ARHGAP20: variants seen among roughly 807,000 people sequenced by gnomAD.
ARHGAP20 encodes rho GTPase-activating protein 20.
In ARHGAP20, 34 loss-of-function variants were observed where a neutral mutation model predicts 73.7. The ratio of observed to expected loss-of-function variants is 0.46; its 90% CI spans 0.35 to 0.61. The LOEUF (loss-of-function observed/expected upper bound fraction) is 0.61, where lower values mean the gene tolerates loss of function less well. Ranked by LOEUF, ARHGAP20 falls within the 20% of genes least tolerant of loss-of-function variation. The pLI, the probability that ARHGAP20 is intolerant of heterozygous loss-of-function variation, is 0.00. For synonymous variants in ARHGAP20, 523 were observed against 518.2 expected, an observed-to-expected ratio of 1.01 and a Z score of -0.13; for missense variants, 1,314 against 1,420.9, an observed-to-expected ratio of 0.92 and a Z score of 1.21.
chr11:110,659,803 A>T (rs992271433), intron 2 of ARHGAP20, among the ~76,000 whole-genome samples: 2 of 151,992 alleles, frequency 1.3e-5, no homozygotes, highest in African/African-American at 4.8e-5. Context: ...CTATCGCAAG[A>T]ACAAAAAACC....
chr11:110,654,318 TG>T (rs1949420392), intron 2 of ARHGAP20, among the ~76,000 whole-genome samples: 1 of 152,206 alleles, frequency 6.6e-6, no homozygotes, highest in Admixed American at 6.5e-5. Flanking sequence ...ACACCAGTTA[TG>T]GGGAGCCATC....
At chr11:110,612,317 A>G (rs7936214) in intron 6 of ARHGAP20, among the ~76,000 whole-genome samples, 3,749 of 151,658 alleles carry the variant, frequency 0.025, 132 homozygotes, top group African/African-American at 0.079. Context: ...AGTCCCAGCT[A>G]CTCGGGAGGC....
At chr11:110,698,010 G>C (rs2135133716) in intron 1 of ARHGAP20, among the ~76,000 whole-genome samples, 1 of 151,810 alleles carries the variant, frequency 6.6e-6, no homozygotes, top group East Asian at 1.9e-4. Flanking sequence ...AGATTGCCTT[G>C]AATAGTATGG....
At chr11:110,602,152 C>G (rs1240928833) in intron 9 of ARHGAP20, among the ~76,000 whole-genome samples, 1 of 152,072 alleles carries the variant, frequency 6.6e-6, no homozygotes, top group African/African-American at 2.4e-5. Flanking sequence ...GCTCAGGGCA[C>G]TACAAATTGC....
At chr11:110,695,660 A>AT (rs1211301989) in intron 1 of ARHGAP20, among the ~76,000 whole-genome samples, 4 of 151,654 alleles carry the variant, frequency 2.6e-5, no homozygotes, top group Non-Finnish European at 5.9e-5. Flanking sequence ...GACGACTATA[A>AT]TAAAAAAAGA....
chr11:110,682,252 A>G (rs1052517537), intron 2 of ARHGAP20, among the ~76,000 whole-genome samples: 6 of 152,138 alleles, frequency 3.9e-5, no homozygotes, highest in Non-Finnish European at 2.9e-5. Flanking sequence ...TACTGCTACT[A>G]CTACTAACAA....
At position 110,702,337 on chromosome 11, in the gene ARHGAP20, C is replaced by T. The variant is rs553448068; in HGVS notation, c.105+9790G>A. On this transcript the variant is annotated intron_variant, in intron 1 of 14. Coordinates refer to ENST00000683387, the MANE Select transcript of ARHGAP20 (RefSeq NM_001384657.1). ...AAGGCCTTTGACAAAATTCAACAACCCTTCATGCTAAAAACTCTCAATAAA... is the reference window on the plus strand; with the variant it reads ...AAGGCCTTTGACAAAATTCAACAACTCTTCATGCTAAAAACTCTCAATAAA... Among the ~76,000 whole-genome samples, 45 of 152,154 alleles carry T rather than the reference C, an allele frequency of 3.0e-4. No individual in the cohort carries two copies. In the East Asian group the frequency reaches 6.2e-3, roughly 21 times the overall value.
chr11:110,580,127 G>C lies in ARHGAP20; in HGVS notation c.2819C>G (p.Ser940Cys). Residue 940 changes from serine to cysteine, a missense_variant, in exon 15 of 15, where the codon TCC becomes TGC. Coordinates refer to ENST00000683387, the MANE Select transcript of ARHGAP20 (RefSeq NM_001384657.1). ...CPRTSYSSLSSPGTSPSGSSV... is the reference protein window; with the variant it reads ...CPRTSYSSLSCPGTSPSGSSV... ...TGAGCCGGATGGGGAAGTGCCTGGG[G>C]AGGATAAGCTGGAATAGCTGGTCCT... The C allele has an allele frequency of 6.2e-7, 1 of 1,614,196 alleles. No homozygotes were observed.
chr11:110,606,717 G>A lies in ARHGAP20; in HGVS notation c.808C>T (p.His270Tyr), dbSNP rs775611570. ...HEYPYGIKMS[H>Y]LRDSALLTPG... The stretch of plus-strand genomic sequence containing the variant: ...GTCAGGAGTGCAGAGTCTCGAAGAT[G>A]GCTCATTTTAATTCCATATGGATAT... The change falls in exon 9 of 15, where the codon CAT becomes TAT. Residue 270 changes from histidine (H) to tyrosine (Y), a missense_variant. Coordinates refer to ENST00000683387, the MANE Select transcript of ARHGAP20 (RefSeq NM_001384657.1). The A allele has an allele frequency of 1.9e-6, 3 of 1,575,396 alleles. No homozygotes were observed. Among genetic ancestry groups the A allele is most frequent in the Non-Finnish European group, 1.7e-6 (2 of 1,164,708 alleles).
chr11:110,617,144 T>C (rs923700147), intron 4 of ARHGAP20, among the ~76,000 whole-genome samples: 1 of 152,232 alleles, frequency 6.6e-6, no homozygotes, highest in Non-Finnish European at 1.5e-5. Context: ...TTTATATAAA[T>C]GTAACCATAA....
intron 2 of ARHGAP20, among the ~76,000 whole-genome samples, chr11:110,641,099 C>T (rs112307732): frequency 2.4e-4 from 37 of 152,014 alleles, no homozygotes; most frequent in African/African-American, 8.4e-4. Context: ...TAAAGGAGCA[C>T]TTTTAAATTA....
At chr11:110,590,270 G>C (rs1947791854) in intron 11 of ARHGAP20, among the ~76,000 whole-genome samples, 1 of 152,106 alleles carries the variant, frequency 6.6e-6, no homozygotes, top group South Asian at 2.1e-4. Flanking sequence ...GTTTATATTT[G>C]AAAACTGCCT....
chr11:110,604,294 G>T (rs1948173335), intron 9 of ARHGAP20, among the ~76,000 whole-genome samples: 1 of 152,034 alleles, frequency 6.6e-6, no homozygotes, highest in African/African-American at 2.4e-5. Context: ...GCTCTCAGCT[G>T]GCCCTTGGCA....
rs987927926 is a variant in ARHGAP20, at chr11:110,711,235, G to A, written c.105+892C>T. 2.0e-5 allele frequency among the ~76,000 whole-genome samples: 3 copies of A among 152,120 alleles called. No individual in the cohort carries two copies. The East Asian group carries it at 5.8e-4, about 29-fold the overall frequency. ...CACAGCGGCCGTGTTTATCGGAATG[G>A]AACGCTACAAGTTGTCACCTGCATC... On this transcript the variant is annotated intron_variant, in intron 1 of 14. Transcript: ENST00000683387.
chr11:110,591,056 A>G (rs904723809), intron 10 of ARHGAP20, among the ~76,000 whole-genome samples: 1 of 152,196 alleles, frequency 6.6e-6, no homozygotes, highest in African/African-American at 2.4e-5. Context: ...AATTTCAGTT[A>G]GGAGGAATAA....
chr11:110,606,811 G>A (rs1948243105), intron 8 of ARHGAP20, 62 bp from the exon 9 acceptor site: 3 of 1,367,286 alleles, frequency 2.2e-6, no homozygotes, highest in Non-Finnish European at 2.9e-6. Flanking sequence ...CATGTGTACT[G>A]CAAAATAGGA....
chr11:110,616,400 T>G (rs937519259), intron 4 of ARHGAP20, among the ~76,000 whole-genome samples: 2 of 152,108 alleles, frequency 1.3e-5, no homozygotes, highest in Non-Finnish European at 2.9e-5. Context: ...AAGACAGGGG[T>G]CTTGCTCTGT....
At chr11:110,704,925 T>A (rs1950526780) in intron 1 of ARHGAP20, among the ~76,000 whole-genome samples, 1 of 152,176 alleles carries the variant, frequency 6.6e-6, no homozygotes, top group African/African-American at 2.4e-5. Flanking sequence ...CATTGAATCA[T>A]AAAAATATAT....
intron 1 of ARHGAP20, among the ~76,000 whole-genome samples, chr11:110,700,533 G>C (rs2135140432): frequency 6.6e-6 from 1 of 151,726 alleles, no homozygotes; most frequent in East Asian, 1.9e-4. Context: ...ATACTTCAAA[G>C]ACACTGGCTC....
Sources: allele counts gnomAD v4.1 joint callset (sites outside exome capture counted in the v4.1 genomes callset), GRCh38; gene constraint gnomAD v4.1.1; transcripts MANE v1.5; gene names NCBI Gene and HGNC (gene_info 2026-07-23, HGNC 2026-07-21).